TENM3: variants seen among roughly 807,000 people sequenced by gnomAD.
The protein encoded by TENM3 is teneurin transmembrane protein 3.
A neutral mutation model predicts 255.1 loss-of-function variants in TENM3; 63 were observed. That is an observed-to-expected ratio of 0.25 (90% CI 0.20 to 0.30). The LOEUF is 0.30. TENM3 is among the 10% of genes least tolerant of loss of function. The pLI is 1.00. For synonymous variants in TENM3, 1,306 were observed against 1,322.3 expected, an observed-to-expected ratio of 0.99 and a Z score of 0.27; for missense variants, 2,929 against 3,461.1, an observed-to-expected ratio of 0.85 and a Z score of 3.86.
At chr4:181,831,512 A>AAC in the TENM3 span, among the ~76,000 whole-genome samples, 1 of 151,198 alleles carries the variant, frequency 6.6e-6, no homozygotes, top group Non-Finnish European at 1.5e-5. Flanking sequence ...AAAAAAAAAA[A>AAC]CCTGATTTTT....
the TENM3 span, among the ~76,000 whole-genome samples, chr4:181,656,533 T>G: frequency 6.6e-5 from 10 of 152,104 alleles, no homozygotes; most frequent in African/African-American, 2.4e-4. Flanking sequence ...AAGCCGCGGA[T>G]GCAGATGGGC....
chr4:182,509,381 A>G (rs139487919), intron 3 of TENM3, among the ~76,000 whole-genome samples: 202 of 152,302 alleles, frequency 1.3e-3, no homozygotes, highest in Middle Eastern at 3.4e-3. Context: ...TAAGCACCAT[A>G]TAATGCTTGC....
intron 1 of TENM3, among the ~76,000 whole-genome samples, chr4:182,291,677 G>T (rs1043690513): frequency 6.6e-6 from 1 of 152,126 alleles, no homozygotes; most frequent in South Asian, 2.1e-4. Context: ...TCACAGAAAC[G>T]AAAGCCAGCT....
At chr4:181,960,663 A>T in the TENM3 span, among the ~76,000 whole-genome samples, 1 of 152,208 alleles carries the variant, frequency 6.6e-6, no homozygotes, top group Admixed American at 6.5e-5. Context: ...CTGCTAAAAC[A>T]ATGGAGAAAT....
the TENM3 span, among the ~76,000 whole-genome samples, chr4:181,675,516 GGAATTGTACA>G: frequency 6.6e-6 from 1 of 151,970 alleles, no homozygotes; most frequent in African/African-American, 2.4e-5. Context: ...AAATATGTAT[GGAATTGTACA>G]TGTGACAGTA....
chr4:182,033,995 G>C, the TENM3 span, among the ~76,000 whole-genome samples: 1 of 152,156 alleles, frequency 6.6e-6, no homozygotes, highest in Admixed American at 6.5e-5. Context: ...CCCAGACTGG[G>C]TAATGTTTAA....
At chr4:181,999,644 A>T in the TENM3 span, among the ~76,000 whole-genome samples, 1 of 152,188 alleles carries the variant, frequency 6.6e-6, no homozygotes, top group Non-Finnish European at 1.5e-5. Flanking sequence ...AACACATCAG[A>T]CATAAAATGA....
chr4:182,778,844 A>T (rs1256484154), intron 24 of TENM3, among the ~76,000 whole-genome samples: 2 of 152,030 alleles, frequency 1.3e-5, no homozygotes. Flanking sequence ...TCATTTTCAT[A>T]TAGCTGGAGG....
chr4:181,830,471 C>A, the TENM3 span, among the ~76,000 whole-genome samples: 65 of 152,056 alleles, frequency 4.3e-4, 1 homozygote, highest in African/African-American at 1.5e-3. Context: ...TGGGGTTTCA[C>A]CATGTTGGTC....
the TENM3 span, among the ~76,000 whole-genome samples, chr4:181,967,802 C>T: frequency 5.3e-5 from 8 of 152,220 alleles, no homozygotes; most frequent in East Asian, 1.9e-4. Flanking sequence ...TCAGAGCCAC[C>T]GACGTGGCTG....
intron 1 of TENM3, among the ~76,000 whole-genome samples, chr4:182,166,079 G>A (rs560284415): frequency 1.3e-5 from 2 of 152,262 alleles, no homozygotes; most frequent in African/African-American, 4.8e-5. Context: ...CACCCGGCCT[G>A]TAAAAGCAGT....
At chr4:182,377,497 A>G (rs1373963624) in intron 3 of TENM3, among the ~76,000 whole-genome samples, 1 of 152,104 alleles carries the variant, frequency 6.6e-6, no homozygotes, top group African/African-American at 2.4e-5. Flanking sequence ...TATTTTTAGT[A>G]GAGATGAGGT....
intron 3 of TENM3, among the ~76,000 whole-genome samples, chr4:182,527,198 A>C (rs772181580): frequency 6.6e-6 from 1 of 152,244 alleles, no homozygotes; most frequent in Non-Finnish European, 1.5e-5. Flanking sequence ...TTCTTAACAT[A>C]CATTTGCTAT....
intron 1 of TENM3, among the ~76,000 whole-genome samples, chr4:182,321,947 A>T (rs950073878): frequency 2.6e-5 from 4 of 152,056 alleles, no homozygotes; most frequent in Admixed American, 2.6e-4. Context: ...TCCGTCTAAA[A>T]AATAATAATA....
chr4:181,722,312 G>A, the TENM3 span, among the ~76,000 whole-genome samples: 1 of 152,136 alleles, frequency 6.6e-6, no homozygotes, highest in Non-Finnish European at 1.5e-5. Context: ...TACTGGCTGG[G>A]TGAAACTCCT....
chr4:181,458,523 C>T, the TENM3 span, among the ~76,000 whole-genome samples: 5 of 151,832 alleles, frequency 3.3e-5, no homozygotes, highest in Middle Eastern at 3.2e-3. Flanking sequence ...TAGTAGCTAC[C>T]TGTGACAACT....
the TENM3 span, among the ~76,000 whole-genome samples, chr4:182,025,737 T>C: frequency 3.9e-5 from 6 of 152,182 alleles, no homozygotes; most frequent in South Asian, 4.1e-4. Context: ...TAAAATGATA[T>C]CTCATTTTAG....
chr4:182,562,141 A>T (rs1324884257), intron 3 of TENM3, among the ~76,000 whole-genome samples: 1 of 152,178 alleles, frequency 6.6e-6, no homozygotes, highest in East Asian at 1.9e-4. Context: ...TGTATGTGAG[A>T]GTAAGATTGT....
chr4:181,863,084 C>T, the TENM3 span, among the ~76,000 whole-genome samples: 2 of 151,914 alleles, frequency 1.3e-5, no homozygotes, highest in African/African-American at 2.4e-5. Flanking sequence ...GATTTATATA[C>T]ATTCTTAACT....
Sources: allele counts gnomAD v4.1 joint callset (sites outside exome capture counted in the v4.1 genomes callset), GRCh38; gene constraint gnomAD v4.1.1; transcripts MANE v1.5; gene names NCBI Gene and HGNC (gene_info 2026-07-23, HGNC 2026-07-21).